The following HAS3 variants were observed in gnomAD, a reference collection of about 807,000 sequenced individuals.
HAS3 encodes HA synthase 3.
Under a neutral mutation model 50.3 loss-of-function variants are expected in HAS3, and 27 were observed. The observed-to-expected ratio is 0.54, with a 90% CI of 0.40 to 0.74. HAS3 has a LOEUF of 0.74. Ranked by LOEUF, HAS3 falls within the 30% of genes least tolerant of loss-of-function variation. The pLI is 0.00. For missense variants in HAS3, 517 were observed against 742.8 expected (o/e 0.70, Z 3.53); for synonymous variants, 339 against 310.9 (o/e 1.09, Z -0.95).
upstream of HAS3, among the ~76,000 whole-genome samples, chr16:69,103,789 A>C (rs1299648345): frequency 6.6e-6 from 1 of 152,196 alleles, no homozygotes; most frequent in African/African-American, 2.4e-5. Context: ...GGCATGGGCA[A>C]AGGATGCTGC....
Position 69,107,803 on chromosome 16 carries a change from C to A in HAS3, c.1-1593C>A. ...GGTGGCAACAGGGAGGGCTGGGAGTCCTGTGAAGGAAGCACACGGCGGGCT... is the reference window on the plus strand; with the variant it reads ...GGTGGCAACAGGGAGGGCTGGGAGTACTGTGAAGGAAGCACACGGCGGGCT... On this transcript the variant is annotated intron_variant, in intron 1 of 3. Coordinates refer to ENST00000569188, the MANE Select transcript of HAS3 (RefSeq NM_001199280.2). This position sits in a 1 kb window ranked among gnomAD's most constrained non-coding sequence, Gnocchi z 5.5. 1.4e-6 allele frequency: 1 copy of A among 708,612 alleles called. No homozygotes were observed. The highest frequency in any genetic ancestry group is 6.3e-5 in the South Asian group (1 of 15,836). 43.9% of individuals were successfully genotyped at this position (708,612 alleles called of 1,614,324 possible).
At chr16:69,085,069 C>T in the HAS3 span, 4 of 152,330 alleles carry the variant, frequency 2.6e-5, no homozygotes, top group East Asian at 3.7e-4. Context: ...AATTTCTATT[C>T]TCCAAATCAA....
At chr16:69,104,149 G>T (rs1438360475), upstream of HAS3, among the ~76,000 whole-genome samples, 1 of 151,942 alleles carries the variant, frequency 6.6e-6, no homozygotes, top group East Asian at 1.9e-4. Context: ...GGAGTGTAGT[G>T]GTTCGATCAT....
In HAS3 at chr16:69,107,666, C is replaced by A; in HGVS notation, c.1-1730C>A. ...TTCCCCTACCCAGAGCGCAGGCAGG[C>A]AGGGGGGTCCCGCCGCGCCCCTTCA... On this transcript the variant is annotated intron_variant, in intron 1 of 3. Transcript: ENST00000569188. The surrounding 1 kb of genome is among the most constrained non-coding windows in gnomAD (Gnocchi z 5.5). The A allele has an allele frequency of 1.0e-6, 1 of 985,506 alleles. No individual in the cohort carries two copies. Among genetic ancestry groups the A allele is most frequent in the Non-Finnish European group, 1.2e-6 (1 of 830,032 alleles). 61.0% of individuals were successfully genotyped at this position (985,506 alleles called of 1,614,324 possible). A position where few individuals can be genotyped will look rare whatever the true frequency, so the allele number is the denominator to read the frequency against.
At chr16:69,113,950 G>A (rs1961094945) in intron 3 of HAS3, among the ~76,000 whole-genome samples, 1 of 152,198 alleles carries the variant, frequency 6.6e-6, no homozygotes, top group Non-Finnish European at 1.5e-5. Flanking sequence ...CAGAGATACT[G>A]AAGCAGCATC....
rs1411220604 is a variant in HAS3, at chr16:69,106,056, C to G, written c.-1+269C>G. On this transcript the variant is annotated intron_variant, in intron 1 of 3. Coordinates refer to ENST00000569188, the MANE Select transcript of HAS3 (RefSeq NM_001199280.2). This position sits in a 1 kb window ranked among gnomAD's most constrained non-coding sequence, Gnocchi z 5.5. Reference sequence around the variant, plus strand: ...GCGTCCACCCGGGACTAGGCGTCCCCGCCGAGCGCTGGCTTGTGGCGCTCC... The same window carrying G: ...GCGTCCACCCGGGACTAGGCGTCCCGGCCGAGCGCTGGCTTGTGGCGCTCC... Among the ~76,000 whole-genome samples, 1 of 152,172 alleles carries G rather than the reference C, an allele frequency of 6.6e-6. No homozygotes were observed. The highest frequency in any genetic ancestry group is 1.5e-5 in the Non-Finnish European group (1 of 68,012).
At chr16:69,112,181 T>C (rs570389492) in intron 2 of HAS3, among the ~76,000 whole-genome samples, 1 of 152,296 alleles carries the variant, frequency 6.6e-6, no homozygotes, top group Admixed American at 6.5e-5. Context: ...AAGCAGCATA[T>C]AAAGAATGGG....
At position 69,115,147 on chromosome 16, in the gene HAS3, T is replaced by G; in HGVS notation, c.1543T>G (p.Ser515Ala). 6.2e-7 allele frequency: 1 copy of G among 1,609,360 alleles called. No individual in the cohort carries two copies. The highest frequency in any genetic ancestry group is 1.1e-5 in the South Asian group (1 of 90,276). ...FSETELAFLV[S>A]GAILYGCYWV... is the part of the protein sequence containing the mutation. ...TGAGACAGAGCTAGCCTTCCTTGTC[T>G]CTGGGGCTATACTGTATGGCTGCTA... The change falls in exon 4 of 4, where the codon TCT becomes GCT. Residue 515 changes from serine to alanine, a missense_variant. By Grantham distance (99) the Ser-to-Ala change is moderately conservative. Transcript: ENST00000569188.
At chr16:69,091,153 C>CA in the HAS3 span, among the ~76,000 whole-genome samples, 2 of 152,294 alleles carry the variant, frequency 1.3e-5, no homozygotes, top group East Asian at 1.9e-4. Context: ...ACAACTGGTG[C>CA]AAAATCCCTC....
chr16:69,115,928 A>G lies in HAS3; in HGVS notation c.*662A>G. The G allele has an allele frequency of 1.0e-6, 1 of 985,894 alleles. No homozygotes were observed. The highest frequency in any genetic ancestry group is 1.1e-4 in the East Asian group (1 of 8,822). The allele number at this position is 985,894 out of a possible 1,614,324, so 61.1% of individuals were successfully genotyped here. On this transcript the variant is annotated 3_prime_UTR_variant, in exon 4 of 4. Coordinates refer to ENST00000569188, the MANE Select transcript of HAS3 (RefSeq NM_001199280.2). ...CTGCTTTTAAAAGTGCACATTAAAAAGGAAAGTTTGCCAGGAGGAACAAAG... is the reference window on the plus strand; with the variant it reads ...CTGCTTTTAAAAGTGCACATTAAAAGGGAAAGTTTGCCAGGAGGAACAAAG...
the HAS3 span, among the ~76,000 whole-genome samples, chr16:69,087,693 C>T: frequency 7.1e-6 from 1 of 141,594 alleles, no homozygotes; most frequent in Non-Finnish European, 1.5e-5. Flanking sequence ...CCACCGCACC[C>T]GGCTTTTTTT....
the HAS3 span, chr16:69,084,788 A>C: frequency 6.6e-6 from 1 of 152,494 alleles, no homozygotes; most frequent in Non-Finnish European, 1.5e-5. Flanking sequence ...CTCTGGGGTG[A>C]CTAGATCCAC....
At chr16:69,096,018 C>T in the HAS3 span, among the ~76,000 whole-genome samples, 3 of 148,398 alleles carry the variant, frequency 2.0e-5, no homozygotes, top group African/African-American at 7.5e-5. Flanking sequence ...AGTTTGAGAC[C>T]AGCCTGACCA....
chr16:69,097,076 C>T, the HAS3 span, among the ~76,000 whole-genome samples: 10 of 151,858 alleles, frequency 6.6e-5, no homozygotes, highest in East Asian at 1.9e-4. Context: ...CCCTTGAGCC[C>T]GAGAAGTTGA....
rs2152261206 is a variant in HAS3, at chr16:69,115,931, A to T, written c.*665A>T. 1.0e-6 allele frequency: 1 copy of T among 985,842 alleles called. No individual in the cohort carries two copies. Among genetic ancestry groups the T allele is most frequent in the East Asian group, 1.1e-4 (1 of 8,816 alleles). 61.1% of individuals were successfully genotyped at this position (985,842 alleles called of 1,614,324 possible). On this transcript the variant is annotated 3_prime_UTR_variant, in exon 4 of 4. Transcript: ENST00000569188. Reference sequence around the variant, plus strand: ...CTTTTAAAAGTGCACATTAAAAAGGAAAGTTTGCCAGGAGGAACAAAGAGA... The same window carrying T: ...CTTTTAAAAGTGCACATTAAAAAGGTAAGTTTGCCAGGAGGAACAAAGAGA...
Position 69,116,174 on chromosome 16 carries a change from T to C in HAS3, c.*908T>C, listed in dbSNP as rs1961172013. 1.0e-5 allele frequency: 10 copies of C among 985,388 alleles called. No homozygotes were observed. The highest frequency in any genetic ancestry group is 1.2e-5 in the Non-Finnish European group (10 of 829,826). 61.0% of individuals were successfully genotyped at this position (985,388 alleles called of 1,614,324 possible). On this transcript the variant is annotated 3_prime_UTR_variant, in exon 4 of 4. Coordinates refer to ENST00000569188, the MANE Select transcript of HAS3 (RefSeq NM_001199280.2). ...CTCAAATTCAGCTCTGATCTGAGGC[T>C]AAGACACACTCCCCACTTCACTTTC...
At position 69,117,368 on chromosome 16, in the gene HAS3, C is replaced by A. The variant is rs565447989; in HGVS notation, c.*2102C>A. The A allele has an allele frequency of 1.6e-5, 16 of 985,764 alleles. No individual in the cohort carries two copies. The African/African-American group carries it at 2.6e-4, about 16-fold the overall frequency. 61.1% of individuals were successfully genotyped at this position (985,764 alleles called of 1,614,324 possible). A position where few individuals can be genotyped will look rare whatever the true frequency, so the allele number is the denominator to read the frequency against. ...AACAGGCAGGTACAGGTAGTGGGCT[C>A]ACAACGTTTGACCTCGACTGGTTTT... On this transcript the variant is annotated 3_prime_UTR_variant, in exon 4 of 4. Transcript: ENST00000569188.
Position 69,117,590 on chromosome 16 carries a change from T to TAA in HAS3, c.*2324_*2325insAA. 1.4e-6 allele frequency: 1 copy of TAA among 729,454 alleles called. No individual in the cohort carries two copies. Among genetic ancestry groups the TAA allele is most frequent in the Non-Finnish European group, 1.7e-6 (1 of 602,562 alleles). 45.2% of individuals were successfully genotyped at this position (729,454 alleles called of 1,614,324 possible). On this transcript the variant is annotated 3_prime_UTR_variant, in exon 4 of 4. Coordinates refer to ENST00000569188, the MANE Select transcript of HAS3 (RefSeq NM_001199280.2). ...ATTTTTACCTGCTTTTTTTTTTTTT[T>TAA]TTAATTTTCAGGTCAAGTTTTTTAT...
Position 69,106,655 on chromosome 16 carries a change from G to T in HAS3, c.-1+868G>T, listed in dbSNP as rs1024464748. 1.3e-5 allele frequency: 2 copies of T among 152,188 alleles called. No homozygotes were observed. Among genetic ancestry groups the T allele is most frequent in the South Asian group, 4.1e-4 (2 of 4,824 alleles). 9.4% of individuals were successfully genotyped at this position (152,188 alleles called of 1,614,324 possible). ...CGGTGCGGGGCTCCAGGCTGGCTGG[G>T]GTACCCCTCCCCCGCACCTTCTACG... On this transcript the variant is annotated intron_variant, in intron 1 of 3. Coordinates refer to ENST00000569188, the MANE Select transcript of HAS3 (RefSeq NM_001199280.2). The surrounding 1 kb of genome is among the most constrained non-coding windows in gnomAD (Gnocchi z 5.5).
Sources: gnomAD v4.1 joint callset for allele counts (sites outside exome capture counted in the v4.1 genomes callset) on GRCh38, gnomAD v4.1.1 for gene constraint, Gnocchi (gnomAD v3.1) non-coding constraint, MANE v1.5 for transcripts, NCBI Gene and HGNC (gene_info 2026-07-23, HGNC 2026-07-21) for gene names.